The following MTHFD1L variants were observed in gnomAD, a reference collection of about 807,000 sequenced individuals.
The protein encoded by MTHFD1L is monofunctional C1-tetrahydrofolate synthase, mitochondrial.
MTHFD1L carries 81 observed loss-of-function variants against 119.5 expected under a neutral mutation model. The ratio of observed to expected loss-of-function variants is 0.68; its 90% CI spans 0.57 to 0.82. MTHFD1L has a LOEUF of 0.82. Ranked by LOEUF, MTHFD1L falls within the 40% of genes least tolerant of loss-of-function variation. MTHFD1L has a pLI of 0.00. For missense variants in MTHFD1L, 1,125 were observed against 1,253.4 expected, an observed-to-expected ratio of 0.90 and a Z score of 1.55; for synonymous variants, 430 against 475.2, an observed-to-expected ratio of 0.90 and a Z score of 1.24.
In MTHFD1L at chr6:151,067,811, T is replaced by G. The variant is rs986342181; in HGVS notation, c.2848-24656T>G. 2.0e-5 allele frequency among the ~76,000 whole-genome samples: 3 copies of G among 152,232 alleles called. No homozygotes were observed. The South Asian group carries it at 6.2e-4, about 31-fold the overall frequency. Reference sequence around the variant, plus strand: ...TGTATGGTTCATTCTTCTCCAGGAATTGAAACATGGTGGCAGCCTGCCAGC... The same window carrying G: ...TGTATGGTTCATTCTTCTCCAGGAAGTGAAACATGGTGGCAGCCTGCCAGC... On this transcript the variant is annotated intron_variant, in intron 26 of 27. Transcript: ENST00000367321.
chr6:150,876,127 T>C lies in MTHFD1L; in HGVS notation c.265T>C (p.Leu89=). The change falls in exon 2 of 28, where the codon TTG becomes CTG. Residue 89 remains leucine (L), a synonymous_variant. Transcript: ENST00000367321. ...GAATTCAAAAGAAGTTCTAAGTTTATTGCAAGAAAAAAACCCTGCCTTCAA... is the reference window on the plus strand; with the variant it reads ...GAATTCAAAAGAAGTTCTAAGTTTACTGCAAGAAAAAAACCCTGCCTTCAA... The part of the protein sequence containing the change: ...IQNSKEVLSL[L]QEKNPAFKPV... 1.2e-6 allele frequency: 2 copies of C among 1,606,858 alleles called. No individual in the cohort carries two copies. The highest frequency in any genetic ancestry group is 4.5e-5 in the East Asian group (2 of 44,688).
chr6:150,905,232 C>T (rs1785710561), intron 7 of MTHFD1L, among the ~76,000 whole-genome samples: 1 of 151,890 alleles, frequency 6.6e-6, no homozygotes, highest in South Asian at 2.1e-4. Context: ...CAGGGTTTTA[C>T]CATGTTGGCC....
intron 19 of MTHFD1L, among the ~76,000 whole-genome samples, chr6:150,968,471 G>C (rs116499107): frequency 0.013 from 2,020 of 152,202 alleles, 21 homozygotes; most frequent in South Asian, 0.036. Flanking sequence ...TATTATTAGG[G>C]ATAATCATTT....
intron 9 of MTHFD1L, 62 bp downstream of exon 9, chr6:150,918,730 A>G (rs1340179094): frequency 7.3e-7 from 1 of 1,375,690 alleles, no homozygotes. Flanking sequence ...AGTTGCTAAC[A>G]TTTTGCAAGT....
intron 17 of MTHFD1L, chr6:150,959,365 A>C (rs1426405849): frequency 4.6e-6 from 1 of 216,544 alleles, no homozygotes; most frequent in Non-Finnish European, 7.9e-6. Context: ...GAAGAGAATT[A>C]AGCTGGGGCG....
At chr6:151,060,376 G>C (rs1003230616) in intron 26 of MTHFD1L, among the ~76,000 whole-genome samples, 2 of 152,174 alleles carry the variant, frequency 1.3e-5, no homozygotes, top group Admixed American at 1.3e-4. Flanking sequence ...AGGAGTGCTG[G>C]GTACTAGGCC....
At chr6:151,046,695 C>T (rs541356414) in intron 26 of MTHFD1L, among the ~76,000 whole-genome samples, 261 of 152,060 alleles carry the variant, frequency 1.7e-3, no homozygotes, top group African/African-American at 6.0e-3. Flanking sequence ...CTTAGTTACA[C>T]TTTTCTCTTA....
chr6:151,013,984 G>T (rs1366751321), intron 22 of MTHFD1L, among the ~76,000 whole-genome samples, 164 bp downstream of exon 22: 1 of 152,160 alleles, frequency 6.6e-6, no homozygotes, highest in Non-Finnish European at 1.5e-5. Flanking sequence ...AGGCCAAGGC[G>T]ACCGGATCAC....
chr6:150,866,309 G>T (rs1208604698), intron 1 of MTHFD1L: 6 of 1,467,172 alleles, frequency 4.1e-6, no homozygotes, highest in South Asian at 3.9e-5. Context: ...GGCGCCTAGC[G>T]GCATGGACCG....
Position 150,926,075 on chromosome 6 carries a change from C to G in MTHFD1L, c.1083-47C>G, listed in dbSNP as rs1249694739. 5.8e-6 allele frequency: 9 copies of G among 1,561,792 alleles called. No homozygotes were observed. The highest frequency in any genetic ancestry group is 7.9e-6 in the Non-Finnish European group (9 of 1,145,802). On this transcript the variant is annotated intron_variant, in intron 10 of 27. Coordinates refer to ENST00000367321, the MANE Select transcript of MTHFD1L (RefSeq NM_015440.5). The surrounding 1 kb of genome is among the most constrained non-coding windows in gnomAD (Gnocchi z 4.3). Reference sequence around the variant, plus strand: ...CTGTTTTCACTCCAGTTGTGACCACCTAAGCTGAGAAGCCTTTTCTCTCTT... The same window carrying G: ...CTGTTTTCACTCCAGTTGTGACCACGTAAGCTGAGAAGCCTTTTCTCTCTT...
chr6:151,014,139 A>G (rs113427296), intron 22 of MTHFD1L, among the ~76,000 whole-genome samples: 5,047 of 152,242 alleles, frequency 0.033, 295 homozygotes, highest in African/African-American at 0.12. Flanking sequence ...CCTGGGAGGC[A>G]GAGGTTGCAG....
intron 1 of MTHFD1L, among the ~76,000 whole-genome samples, chr6:150,867,929 C>G (rs1778706949): frequency 6.6e-6 from 1 of 151,458 alleles, no homozygotes; most frequent in Admixed American, 6.6e-5. Flanking sequence ...TCCCGAGTAG[C>G]TGGGATTACA....
intron 26 of MTHFD1L, among the ~76,000 whole-genome samples, chr6:151,064,751 T>A (rs1366882275): frequency 6.6e-6 from 1 of 152,130 alleles, no homozygotes; most frequent in Non-Finnish European, 1.5e-5. Context: ...AGGTAGCAAG[T>A]GTTTGCTAAT....
At chr6:150,941,487 G>T (rs1226491789) in intron 13 of MTHFD1L, among the ~76,000 whole-genome samples, 1 of 152,218 alleles carries the variant, frequency 6.6e-6, no homozygotes, top group Non-Finnish European at 1.5e-5. Flanking sequence ...GGGCCTCTCA[G>T]TAGACACGAT....
intron 8 of MTHFD1L, among the ~76,000 whole-genome samples, chr6:150,911,574 G>A (rs1343154997): frequency 6.6e-6 from 1 of 152,138 alleles, no homozygotes; most frequent in Admixed American, 6.6e-5. Flanking sequence ...AAGGCCTCAG[G>A]AAACTTACAA....
chr6:151,091,073 C>T (rs1288722112), intron 26 of MTHFD1L, among the ~76,000 whole-genome samples: 9 of 146,712 alleles, frequency 6.1e-5, no homozygotes, highest in Admixed American at 1.3e-4. Flanking sequence ...AGCATCGTTC[C>T]ATGCGACTGG....
chr6:150,922,591 T>C (rs1789148827), intron 10 of MTHFD1L, among the ~76,000 whole-genome samples: 1 of 151,960 alleles, frequency 6.6e-6, no homozygotes, highest in Non-Finnish European at 1.5e-5. Context: ...TAATTTATAT[T>C]AATTTAATTT....
chr6:150,977,902 CTT>C lies in MTHFD1L; in HGVS notation c.2125+5859_2125+5860del, dbSNP rs11355188. Among the ~76,000 whole-genome samples, 886 of 141,086 alleles carry C rather than the reference CTT, an allele frequency of 6.3e-3. 18 individuals carry two copies. Among genetic ancestry groups the C allele is most frequent in the African/African-American group, 0.018 (706 of 38,420 alleles). The allele number at this position is 141,086 out of a possible 152,430, so 92.6% of individuals were successfully genotyped here. A position where few individuals can be genotyped will look rare whatever the true frequency, so the allele number is the denominator to read the frequency against. On this transcript the variant is annotated intron_variant, in intron 20 of 27. Coordinates refer to ENST00000367321, the MANE Select transcript of MTHFD1L (RefSeq NM_015440.5). The stretch of plus-strand genomic sequence containing the variant: ...CATATGGAGACATATATATATACAC[CTT>C]TTTTTTTTTTTTTTGAGATGGAGTC...
At position 150,945,526 on chromosome 6, in the gene MTHFD1L, G is replaced by C; in HGVS notation, c.1608G>C (p.Gln536His). 6.2e-7 allele frequency: 1 copy of C among 1,614,010 alleles called. No homozygotes were observed. Among genetic ancestry groups the C allele is most frequent in the Non-Finnish European group, 8.5e-7 (1 of 1,179,960 alleles). Residue 536 changes from glutamine to histidine, a missense_variant, in exon 15 of 28, where the codon CAG becomes CAC. Gln to His is a conservative substitution (Grantham distance 24). Around this residue, in one of 3 missense-constraint regions of MTHFD1L, gnomAD observed 1,058 missense variants for 1,151.2 expected, o/e 0.92. Transcript: ENST00000367321. ...VNGVREFSEI[Q>H]LARLKKLGIN... Reference sequence around the variant, plus strand: ...GTGTCAGAGAATTTTCAGAAATTCAGCTTGCTCGGCTAAAAGTAAGTTTCC... The same window carrying C: ...GTGTCAGAGAATTTTCAGAAATTCACCTTGCTCGGCTAAAAGTAAGTTTCC...
Sources: gnomAD v4.1 joint callset for allele counts (sites outside exome capture counted in the v4.1 genomes callset) on GRCh38, gnomAD v4.1.1 for gene constraint, gnomAD v4.1.1 regional missense constraint, Gnocchi (gnomAD v3.1) non-coding constraint, MANE v1.5 for transcripts, NCBI Gene and HGNC (gene_info 2026-07-23, HGNC 2026-07-21) for gene names.